TMX4: variants seen among roughly 807,000 people sequenced by gnomAD.
The protein encoded by TMX4 is thioredoxin related transmembrane protein 4.
TMX4 carries 23 observed loss-of-function variants against 33.3 expected under a neutral mutation model. That is an observed-to-expected ratio of 0.69 (90% CI 0.50 to 0.98). The LOEUF is 0.98. Ranked by LOEUF, TMX4 falls within the 50% of genes least tolerant of loss-of-function variation. The pLI is 0.00. For synonymous variants in TMX4, 164 were observed against 161.5 expected (o/e 1.02, Z -0.12); for missense variants, 399 against 448.9 (o/e 0.89, Z 1.01).
Position 7,982,080 on chromosome 20 carries a change from G to A in TMX4, c.*171C>T. The A allele has an allele frequency of 1.5e-6, 1 of 646,754 alleles. No individual in the cohort carries two copies. The highest frequency in any genetic ancestry group is 2.6e-6 in the Non-Finnish European group (1 of 383,868). The allele number at this position is 646,754 out of a possible 1,614,324, so 40.1% of individuals were successfully genotyped here. A position where few individuals can be genotyped will look rare whatever the true frequency, so the allele number is the denominator to read the frequency against. On this transcript the variant is annotated 3_prime_UTR_variant, in exon 8 of 8. Transcript: ENST00000246024. ...TATATCCTGATTGTCACACCTGGAA[G>A]ACTCTCCTTAGTATACATGAGGCTT... is the stretch of plus-strand genomic sequence containing the variant.
intron 4 of TMX4, among the ~76,000 whole-genome samples, chr20:7,997,858 T>C (rs886553001): frequency 1.3e-5 from 2 of 152,218 alleles, no homozygotes; most frequent in Non-Finnish European, 2.9e-5. Flanking sequence ...AGGTGGGGTC[T>C]GGTGGAAAGA....
In TMX4 at chr20:8,019,514, G is replaced by A. The variant is rs759061521; in HGVS notation, c.100C>T (p.Pro34Ser). The A allele has an allele frequency of 1.1e-5, 17 of 1,498,492 alleles. No individual in the cohort carries two copies. The highest frequency in any genetic ancestry group is 1.4e-5 in the Non-Finnish European group (16 of 1,124,476). The allele number at this position is 1,498,492 out of a possible 1,614,324, so 92.8% of individuals were successfully genotyped here. The change falls in exon 1 of 8, where the codon CCG becomes TCG. Residue 34 changes from proline (P) to serine (S), a missense_variant. Physicochemically the swap from Pro to Ser is moderately conservative, Grantham distance 74. Transcript: ENST00000246024. ...ATGGGCTGGACCCGGCTCTGCTCCG[G>A]CGGCAGCGCGGCCTCCTCGGGGCCT... ...TAGPEEAALP[P>S]EQSRVQPMTA...
chr20:7,978,622 T>A lies in TMX4; in HGVS notation c.*3629A>T, dbSNP rs1045452287. 7 of 152,252 alleles carry A rather than the reference T, an allele frequency of 4.6e-5. No homozygotes were observed. Among genetic ancestry groups the A allele is most frequent in the Admixed American group, 3.3e-4 (5 of 15,292 alleles). The allele number at this position is 152,252 out of a possible 1,614,324, so 9.4% of individuals were successfully genotyped here. A position where few individuals can be genotyped will look rare whatever the true frequency, so the allele number is the denominator to read the frequency against. ...TATCTATTTTCTACTACAGTAGTTATTTTGAATGTATAGAGCTAAAGAGGC... is the reference window on the plus strand; with the variant it reads ...TATCTATTTTCTACTACAGTAGTTAATTTGAATGTATAGAGCTAAAGAGGC... On this transcript the variant is annotated 3_prime_UTR_variant, in exon 8 of 8. Transcript: ENST00000246024.
chr20:7,985,110 T>C (rs1014743728), intron 6 of TMX4, among the ~76,000 whole-genome samples: 4 of 152,090 alleles, frequency 2.6e-5, no homozygotes, highest in Non-Finnish European at 4.4e-5. Context: ...TCAAATTGTG[T>C]AACTCTCACA....
chr20:7,999,295 G>C (rs2122866628), intron 4 of TMX4, among the ~76,000 whole-genome samples: 1 of 152,284 alleles, frequency 6.6e-6, no homozygotes. Flanking sequence ...GTGGTATTTT[G>C]CGAGGCAGCC....
chr20:7,983,185 T>G (rs1179246398), intron 7 of TMX4, among the ~76,000 whole-genome samples: 1 of 152,196 alleles, frequency 6.6e-6, no homozygotes, highest in African/African-American at 2.4e-5. Flanking sequence ...CTAAAATCCT[T>G]GATATTGGGT....
At chr20:8,008,529 G>T (rs1277902716) in intron 2 of TMX4, among the ~76,000 whole-genome samples, 2 of 151,412 alleles carry the variant, frequency 1.3e-5, no homozygotes, top group Non-Finnish European at 2.9e-5. Context: ...TAGAAGGAAA[G>T]ACTATATTTA....
intron 4 of TMX4, 34 bp from the exon 5 acceptor site, chr20:7,996,105 A>T: frequency 1.3e-6 from 2 of 1,557,886 alleles, no homozygotes; most frequent in Non-Finnish European, 1.8e-6. Context: ...AACAGTGATC[A>T]TATATACTAT....
In TMX4 at chr20:7,982,293, G is replaced by A. The variant is rs1213342373; in HGVS notation, c.1008C>T (p.Ser336=). 1 of 1,614,040 alleles carries A rather than the reference G, an allele frequency of 6.2e-7. No individual in the cohort carries two copies. Among genetic ancestry groups the A allele is most frequent in the East Asian group, 2.2e-5 (1 of 44,860 alleles). ...CPADTEVVED[S]LRQRKSQHAD... Reference sequence around the variant, plus strand: ...CATGCTGACTTTTACGCTGCCTCAAGGAGTCTTCCACCACCTCTGTGTCAG... The same window carrying A: ...CATGCTGACTTTTACGCTGCCTCAAAGAGTCTTCCACCACCTCTGTGTCAG... The change falls in exon 8 of 8, where the codon TCC becomes TCT. Residue 336 remains serine, a synonymous_variant. Transcript: ENST00000246024.
intron 2 of TMX4, among the ~76,000 whole-genome samples, chr20:8,006,070 C>T (rs1442898115): frequency 2.0e-5 from 3 of 152,144 alleles, no homozygotes; most frequent in Non-Finnish European, 4.4e-5. Context: ...AAAGAGCACA[C>T]GGTAACACAC....
chr20:8,019,672 G>C lies in TMX4; in HGVS notation c.-59C>G. The C allele has an allele frequency of 1.6e-6, 2 of 1,258,010 alleles. No individual in the cohort carries two copies. Among genetic ancestry groups the C allele is most frequent in the Non-Finnish European group, 2.0e-6 (2 of 995,036 alleles). 77.9% of individuals were successfully genotyped at this position (1,258,010 alleles called of 1,614,324 possible). A position where few individuals can be genotyped will look rare whatever the true frequency, so the allele number is the denominator to read the frequency against. ...TGTGGGGAAGGGCAGCGGCCGGCCCGCAGCCTCGCTCGCCCGCCGGGTTTT... is the reference window on the plus strand; with the variant it reads ...TGTGGGGAAGGGCAGCGGCCGGCCCCCAGCCTCGCTCGCCCGCCGGGTTTT... On this transcript the variant is annotated 5_prime_UTR_variant, in exon 1 of 8. Coordinates refer to ENST00000246024, the MANE Select transcript of TMX4 (RefSeq NM_021156.4).
chr20:8,015,696 TG>T (rs1331383395), intron 1 of TMX4, among the ~76,000 whole-genome samples: 1 of 152,122 alleles, frequency 6.6e-6, no homozygotes, highest in Admixed American at 6.5e-5. Context: ...TAACTTGACA[TG>T]GGCAAGTTAA....
intron 6 of TMX4, among the ~76,000 whole-genome samples, chr20:7,986,186 T>C (rs556135028): frequency 1.3e-5 from 2 of 152,252 alleles, no homozygotes; most frequent in African/African-American, 2.4e-5. Context: ...AGCAAAAAGA[T>C]TAATGCAACA....
At chr20:8,000,661 G>A (rs928490118) in intron 3 of TMX4, among the ~76,000 whole-genome samples, 2 of 151,982 alleles carry the variant, frequency 1.3e-5, no homozygotes, top group Non-Finnish European at 2.9e-5. Flanking sequence ...TTCCATCCTT[G>A]ACCTGCTTCC....
chr20:8,001,420 G>A, intron 3 of TMX4, 76 bp downstream of exon 3: 1 of 1,435,248 alleles, frequency 7.0e-7, no homozygotes, highest in Non-Finnish European at 9.6e-7. Flanking sequence ...GGCAGTCATG[G>A]AAGACAACTT....
rs1421872107 is a variant in TMX4, at chr20:7,978,917, GAA to G, written c.*3332_*3333del. 6.6e-6 allele frequency: 1 copy of G among 152,164 alleles called. No individual in the cohort carries two copies. Among genetic ancestry groups the G allele is most frequent in the Admixed American group, 6.5e-5 (1 of 15,274 alleles). The allele number at this position is 152,164 out of a possible 1,614,324, so 9.4% of individuals were successfully genotyped here. On this transcript the variant is annotated 3_prime_UTR_variant, in exon 8 of 8. Transcript: ENST00000246024. ...GTTTCAAACTTTCCTTCTAATTGAT[GAA>G]AAGATACCCTGCTCCAACTCCCCAA...
intron 2 of TMX4, among the ~76,000 whole-genome samples, chr20:8,009,861 T>TAAAAAAAAAAAAA (rs11289988): frequency 1.2e-5 from 1 of 84,604 alleles, no homozygotes; most frequent in African/African-American, 3.4e-5. Flanking sequence ...CAAAAAACTG[T>TAAAAAAAAAAAAA]AAAAAAAAAA....
intron 4 of TMX4, among the ~76,000 whole-genome samples, chr20:7,998,222 A>G (rs2050685266): frequency 1.3e-5 from 2 of 152,176 alleles, no homozygotes; most frequent in Non-Finnish European, 2.9e-5. Context: ...ATCCACTGTG[A>G]CAGTTCTACA....
In TMX4 at chr20:7,987,273, G is replaced by A. The variant is rs755735054; in HGVS notation, c.615+15C>T. On this transcript the variant is annotated intron_variant, in intron 6 of 7. Transcript: ENST00000246024. ...TTTGCCTTAAAGATAGAAAAAGTTTGGTATTATCTCTTACCAGACCCATAA... is the reference window on the plus strand; with the variant it reads ...TTTGCCTTAAAGATAGAAAAAGTTTAGTATTATCTCTTACCAGACCCATAA... 6 of 1,494,844 alleles carry A rather than the reference G, an allele frequency of 4.0e-6. No individual in the cohort carries two copies. The highest frequency in any genetic ancestry group is 1.8e-6 in the Non-Finnish European group (2 of 1,105,406). 92.6% of individuals were successfully genotyped at this position (1,494,844 alleles called of 1,614,324 possible). A position where few individuals can be genotyped will look rare whatever the true frequency, so the allele number is the denominator to read the frequency against.
Sources: allele counts gnomAD v4.1 joint callset (sites outside exome capture counted in the v4.1 genomes callset), GRCh38; gene constraint gnomAD v4.1.1; transcripts MANE v1.5; gene names NCBI Gene and HGNC (gene_info 2026-07-23, HGNC 2026-07-21).